RGMA: variants seen among roughly 807,000 people sequenced by gnomAD.
RGMA encodes repulsive guidance molecule A.
In RGMA, 10 loss-of-function variants were observed where a neutral mutation model predicts 23.2. That is an observed-to-expected ratio of 0.43 (90% CI 0.27 to 0.73). RGMA has a LOEUF of 0.73. Among genes scored for constraint, RGMA ranks in the 30% least tolerant of loss-of-function variants. The pLI, the probability that RGMA is intolerant of heterozygous loss-of-function variation, is 0.20. For missense variants in RGMA, 547 were observed against 630.5 expected, an observed-to-expected ratio of 0.87 and a Z score of 1.42; for synonymous variants, 308 against 279.3, an observed-to-expected ratio of 1.10 and a Z score of -1.03.
intron 3 of RGMA, among the ~76,000 whole-genome samples, chr15:93,046,081 T>G (rs1019236188): frequency 1.3e-5 from 2 of 152,204 alleles, no homozygotes; most frequent in African/African-American, 2.4e-5. Context: ...GAACATGCCC[T>G]AATCCCTGTA....
intron 2 of RGMA, among the ~76,000 whole-genome samples, chr15:93,064,768 C>A (rs1895085523): frequency 6.6e-6 from 1 of 152,214 alleles, no homozygotes; most frequent in South Asian, 2.1e-4. Context: ...ACAATGACAG[C>A]TTTGCCAGCT....
rs188210043 is a variant in RGMA at position 93,058,787 on chromosome 15, C to A, written c.131-6280G>T. ...CTCTCGGATTTCCACACGCTCCATA[C>A]CGGGCAACACGAAGGTGCTGCGGGG... On this transcript the variant is annotated intron_variant, in intron 2 of 3. Transcript: ENST00000329082. Among the ~76,000 whole-genome samples the A allele has an allele frequency of 2.6e-5, 4 of 151,602 alleles. 1 individual carries two copies. The East Asian group carries it at 7.9e-4, about 30-fold the overall frequency.
intron 1 of RGMA, among the ~76,000 whole-genome samples, chr15:93,077,949 C>A (rs1380922488): frequency 6.6e-6 from 1 of 152,250 alleles, no homozygotes; most frequent in Non-Finnish European, 1.5e-5. Flanking sequence ...CTCAAGTGAT[C>A]TGCCTGTCTC....
At chr15:93,075,095 C>CT (rs35797220) in intron 1 of RGMA, among the ~76,000 whole-genome samples, 138 of 139,382 alleles carry the variant, frequency 9.9e-4, no homozygotes, top group African/African-American at 1.7e-3. Context: ...CACAGCAGGA[C>CT]TTTTTTTTTT....
chr15:93,073,167 C>G, intron 1 of RGMA, 136 bp from the exon 2 acceptor site: 1 of 1,201,962 alleles, frequency 8.3e-7, no homozygotes. Flanking sequence ...GCTCCCCTTC[C>G]CGCGCCGCCC....
Position 93,039,069 on chromosome 15 carries a change from A to T in RGMA, c.*5929T>A, listed in dbSNP as rs991632200. On this transcript the variant is annotated 3_prime_UTR_variant, in exon 4 of 4. Coordinates refer to ENST00000329082, the MANE Select transcript of RGMA (RefSeq NM_020211.3). Reference sequence around the variant, plus strand: ...AGGCTAGGATAAAAGCGGGCAGAGGAATGTGGAAGGGCTAGACTGGACGAG... The same window carrying T: ...AGGCTAGGATAAAAGCGGGCAGAGGTATGTGGAAGGGCTAGACTGGACGAG... 3.9e-5 allele frequency: 6 copies of T among 152,200 alleles called. No homozygotes were observed. Among genetic ancestry groups the T allele is most frequent in the Admixed American group, 2.0e-4 (3 of 15,278 alleles). The allele number at this position is 152,200 out of a possible 1,614,324, so 9.4% of individuals were successfully genotyped here. A position where few individuals can be genotyped will look rare whatever the true frequency, so the allele number is the denominator to read the frequency against.
intron 2 of RGMA, among the ~76,000 whole-genome samples, chr15:93,062,536 G>A (rs1261448989): frequency 6.6e-6 from 1 of 152,154 alleles, no homozygotes; most frequent in Non-Finnish European, 1.5e-5. Flanking sequence ...GGCCAGACAC[G>A]GAAACCTAGA....
chr15:93,067,474 G>A (rs1387820311), intron 2 of RGMA, among the ~76,000 whole-genome samples: 2 of 152,128 alleles, frequency 1.3e-5, no homozygotes, highest in Non-Finnish European at 2.9e-5. Flanking sequence ...TTTACAAGAG[G>A]ACAAAAACGT....
chr15:93,047,263 G>A (rs1431834842), intron 3 of RGMA, among the ~76,000 whole-genome samples: 3 of 152,168 alleles, frequency 2.0e-5, no homozygotes, highest in South Asian at 4.1e-4. Flanking sequence ...CCCTAAGCAG[G>A]TTTCTGGGTT....
chr15:93,077,434 C>A (rs1317323709), intron 1 of RGMA, among the ~76,000 whole-genome samples: 1 of 152,206 alleles, frequency 6.6e-6, no homozygotes, highest in Non-Finnish European at 1.5e-5. Context: ...CGGGCCCATG[C>A]CCTCCTTGCT....
chr15:93,074,913 T>C (rs774123737), intron 1 of RGMA, among the ~76,000 whole-genome samples: 1 of 152,122 alleles, frequency 6.6e-6, no homozygotes, highest in Non-Finnish European at 1.5e-5. Context: ...CTCTCGCCAA[T>C]GAGAAGGGAT....
chr15:93,050,518 G>A (rs1170130390), intron 3 of RGMA, among the ~76,000 whole-genome samples: 5 of 152,212 alleles, frequency 3.3e-5, no homozygotes, highest in Non-Finnish European at 7.3e-5. Context: ...AATGGGCTGG[G>A]TTGGTGAAGC....
intron 2 of RGMA, among the ~76,000 whole-genome samples, chr15:93,055,592 C>T (rs996548617): frequency 1.3e-5 from 2 of 152,258 alleles, no homozygotes; most frequent in African/African-American, 4.8e-5. Context: ...CACATCATCA[C>T]ACAACCTCAT....
intron 1 of RGMA, chr15:93,073,922 A>G (rs1895424435): frequency 7.0e-7 from 1 of 1,437,114 alleles, no homozygotes; most frequent in African/African-American, 1.4e-5. Context: ...CGTGGCGCGC[A>G]GGGCCGGATG....
At chr15:93,059,650 C>T (rs57445970) in intron 2 of RGMA, among the ~76,000 whole-genome samples, 47,824 of 152,028 alleles carry the variant, frequency 0.31, 9,870 homozygotes, top group East Asian at 0.78. Context: ...TCCCCACGGG[C>T]AGCGACTGGA....
At position 93,038,992 on chromosome 15, in the gene RGMA, GAC is replaced by G. The variant is rs1167054983; in HGVS notation, c.*6004_*6005del. On this transcript the variant is annotated 3_prime_UTR_variant, in exon 4 of 4. Coordinates refer to ENST00000329082, the MANE Select transcript of RGMA (RefSeq NM_020211.3). ...TAACATTTGAGTCAGTGAACTGGGA[GAC>G]AGAGACCCACGCTTAACCTGGGTGG... The G allele has an allele frequency of 3.3e-5, 5 of 152,230 alleles. No homozygotes were observed. Among genetic ancestry groups the G allele is most frequent in the African/African-American group, 1.2e-4 (5 of 41,438 alleles). 9.4% of individuals were successfully genotyped at this position (152,230 alleles called of 1,614,324 possible). A position where few individuals can be genotyped will look rare whatever the true frequency, so the allele number is the denominator to read the frequency against.
At position 93,045,904 on chromosome 15, in the gene RGMA, C is replaced by T. The variant is rs1301889992; in HGVS notation, c.646-199G>A. 6.6e-6 allele frequency among the ~76,000 whole-genome samples: 1 copy of T among 152,146 alleles called. No individual in the cohort carries two copies. The highest frequency in any genetic ancestry group is 1.5e-5 in the Non-Finnish European group (1 of 68,020). On this transcript the variant is annotated intron_variant, in intron 3 of 3. Coordinates refer to ENST00000329082, the MANE Select transcript of RGMA (RefSeq NM_020211.3). The surrounding 1 kb of genome is among the most constrained non-coding windows in gnomAD (Gnocchi z 6.9). ...CATTCTTTCAATGAAAACAACTTGC[C>T]CTTTTTACTTTAAAAAGTGACTTAG...
intron 2 of RGMA, among the ~76,000 whole-genome samples, chr15:93,065,344 G>A (rs1895107050): frequency 6.6e-6 from 1 of 151,734 alleles, no homozygotes; most frequent in African/African-American, 2.4e-5. Context: ...AGTTAGGGGA[G>A]GGGGTTGGTG....
rs200494071 is a variant in RGMA at position 93,045,467 on chromosome 15, C to T, written c.884G>A (p.Arg295His). 1.1e-4 allele frequency: 178 copies of T among 1,613,060 alleles called. No individual in the cohort carries two copies. Among genetic ancestry groups the T allele is most frequent in the Non-Finnish European group, 1.4e-4 (170 of 1,179,760 alleles). ...QVGRYLTFAV[R>H]MPEEVVNAVE... ...AGCATTGACCACTTCCTCTGGCATG[C>T]GGACGGCAAAGGTCAGGTAGCGGCC... The change falls in exon 4 of 4, where the codon CGC becomes CAC. Residue 295 changes from arginine to histidine, a missense_variant. By Grantham distance (29) the Arg-to-His change is conservative. Around this residue, in one of 3 missense-constraint regions of RGMA, gnomAD observed 128 missense variants for 191.7 expected, o/e 0.67. Coordinates refer to ENST00000329082, the MANE Select transcript of RGMA (RefSeq NM_020211.3). The surrounding 1 kb of genome is among the most constrained non-coding windows in gnomAD (Gnocchi z 6.9).
Sources: gnomAD v4.1 joint callset for allele counts (sites outside exome capture counted in the v4.1 genomes callset) on GRCh38, gnomAD v4.1.1 for gene constraint, gnomAD v4.1.1 regional missense constraint, Gnocchi (gnomAD v3.1) non-coding constraint, MANE v1.5 for transcripts, NCBI Gene and HGNC (gene_info 2026-07-23, HGNC 2026-07-21) for gene names.